Variants in ADCY2 observed in about 807,000 individuals in gnomAD.
ADCY2 encodes the protein adenylate cyclase 2, also known as adenylate cyclase type 2.
ADCY2 carries 31 observed loss-of-function variants against 125.2 expected under a neutral mutation model. The observed-to-expected ratio is 0.25, with a 90% CI of 0.19 to 0.33. ADCY2 has a LOEUF of 0.33. Among genes scored for constraint, ADCY2 ranks in the 10% least tolerant of loss-of-function variants. ADCY2 has a pLI of 1.00. For missense variants in ADCY2, 904 were observed against 1,418.2 expected (o/e 0.64, Z 5.82); for synonymous variants, 512 against 548.4 (o/e 0.93, Z 0.93).
chr5:7,644,437 C>A (rs1223653275), intron 4 of ADCY2, among the ~76,000 whole-genome samples: 1 of 152,122 alleles, frequency 6.6e-6, no homozygotes, highest in Non-Finnish European at 1.5e-5. Flanking sequence ...ACCAAACACA[C>A]ACATTCTCTA....
chr5:7,545,396 C>A (rs1404342634), intron 3 of ADCY2, among the ~76,000 whole-genome samples: 6 of 152,196 alleles, frequency 3.9e-5, no homozygotes, highest in African/African-American at 1.4e-4. Flanking sequence ...CTGTTTCCTA[C>A]TGGTGAGTGT....
Position 7,790,711 on chromosome 5 carries a change from A to G in ADCY2, c.2628+911A>G, listed in dbSNP as rs553516492. 5.3e-5 allele frequency among the ~76,000 whole-genome samples: 8 copies of G among 152,320 alleles called. No homozygotes were observed. The South Asian group carries it at 1.5e-3, about 28-fold the overall frequency. ...CCCAGGAAAAAGAAACACAAGTTAC[A>G]CTAGGATTCCTGGCCTGTGCTTTTC... On this transcript the variant is annotated intron_variant, in intron 20 of 24. Coordinates refer to ENST00000338316, the MANE Select transcript of ADCY2 (RefSeq NM_020546.3).
At chr5:7,617,658 A>G (rs1946467) in intron 3 of ADCY2, among the ~76,000 whole-genome samples, 95,459 of 152,010 alleles carry the variant, frequency 0.63, 30,582 homozygotes, top group Non-Finnish European at 0.67. Flanking sequence ...TTCTCTGACA[A>G]AAATTTACAA....
At chr5:7,584,832 C>T (rs1375541728) in intron 3 of ADCY2, among the ~76,000 whole-genome samples, 4 of 152,046 alleles carry the variant, frequency 2.6e-5, no homozygotes, top group South Asian at 2.1e-4. Context: ...CTTTTGTGGA[C>T]GCAAATTTGC....
intron 3 of ADCY2, among the ~76,000 whole-genome samples, chr5:7,567,738 T>A (rs1418568954): frequency 6.6e-6 from 1 of 152,194 alleles, no homozygotes; most frequent in Non-Finnish European, 1.5e-5. Flanking sequence ...TGTATAGAAG[T>A]ACATAACATT....
intron 3 of ADCY2, among the ~76,000 whole-genome samples, chr5:7,554,541 A>G (rs146510702): frequency 1.1e-4 from 16 of 152,292 alleles, no homozygotes; most frequent in African/African-American, 3.6e-4. Context: ...TTTTAAAAAA[A>G]TATATGTACT....
chr5:7,553,902 A>G (rs1735425167), intron 3 of ADCY2, among the ~76,000 whole-genome samples: 1 of 152,136 alleles, frequency 6.6e-6, no homozygotes, highest in Non-Finnish European at 1.5e-5. Context: ...CCTTCTCAAT[A>G]TGGAAAGGAA....
At chr5:7,721,870 G>T (rs1579355859) in intron 12 of ADCY2, among the ~76,000 whole-genome samples, 1 of 152,216 alleles carries the variant, frequency 6.6e-6, no homozygotes, top group East Asian at 1.9e-4. Flanking sequence ...TTCTATACGG[G>T]AAAATCTTCA....
intron 1 of ADCY2, among the ~76,000 whole-genome samples, chr5:7,410,995 A>G (rs1223954117): frequency 2.0e-5 from 3 of 152,064 alleles, no homozygotes; most frequent in Non-Finnish European, 2.9e-5. Flanking sequence ...TATTCCATTG[A>G]CTTAGCCTTA....
At position 7,519,326 on chromosome 5, in the gene ADCY2, G is replaced by A. The variant is rs563412626; in HGVS notation, c.409-1412G>A. Reference sequence around the variant, plus strand: ...TCTCAGGAGCTCACATCCATACTTGGTACCAGAAGCGCTGGCGTGATTGCA... The same window carrying A: ...TCTCAGGAGCTCACATCCATACTTGATACCAGAAGCGCTGGCGTGATTGCA... On this transcript the variant is annotated intron_variant, in intron 2 of 24. Coordinates refer to ENST00000338316, the MANE Select transcript of ADCY2 (RefSeq NM_020546.3). Among the ~76,000 whole-genome samples the A allele has an allele frequency of 1.5e-4, 23 of 152,286 alleles. No homozygotes were observed. In the South Asian group the frequency reaches 4.3e-3, roughly 29 times the overall value.
intron 15 of ADCY2, among the ~76,000 whole-genome samples, chr5:7,749,359 A>C (rs2126444092): frequency 6.6e-6 from 1 of 152,294 alleles, no homozygotes; most frequent in East Asian, 1.9e-4. Flanking sequence ...ACTTTACAAA[A>C]TGTTTTATAC....
chr5:7,765,732 A>G (rs1251504105), intron 16 of ADCY2, among the ~76,000 whole-genome samples: 2 of 152,208 alleles, frequency 1.3e-5, no homozygotes, highest in African/African-American at 2.4e-5. Flanking sequence ...TTGAATATGT[A>G]TGGTTAACCC....
At chr5:7,397,635 A>G (rs1739111143) in intron 1 of ADCY2, among the ~76,000 whole-genome samples, 1 of 152,136 alleles carries the variant, frequency 6.6e-6, no homozygotes, top group South Asian at 2.1e-4. Flanking sequence ...CAATTTGTTT[A>G]GGATGTCCGG....
rs532406154 is a variant in ADCY2 at position 7,748,555 on chromosome 5, CACACACACAA to C, written c.1956+4805_1956+4814del. 6.1e-3 allele frequency among the ~76,000 whole-genome samples: 932 copies of C among 151,978 alleles called. 4 individuals are homozygous for C. The highest frequency in any genetic ancestry group is 9.5e-3 in the Non-Finnish European group (648 of 67,928). ...ACACACACACACACACACACACACA[CACACACACAA>C]AATGCTGAAGAAGCTGTAATCAGGC... On this transcript the variant is annotated intron_variant, in intron 15 of 24. Transcript: ENST00000338316.
intron 16 of ADCY2, among the ~76,000 whole-genome samples, chr5:7,761,787 G>A (rs1227324775): frequency 1.3e-5 from 2 of 152,204 alleles, no homozygotes; most frequent in East Asian, 1.9e-4. Context: ...TTGACAGACA[G>A]TTCAGTCACT....
chr5:7,701,086 T>C (rs1216073676), intron 7 of ADCY2, among the ~76,000 whole-genome samples: 3 of 152,098 alleles, frequency 2.0e-5, no homozygotes. Context: ...AACTATTGGA[T>C]TGAAAAAAAT....
At chr5:7,737,360 A>G (rs1742280160) in intron 14 of ADCY2, among the ~76,000 whole-genome samples, 2 of 152,320 alleles carry the variant, frequency 1.3e-5, no homozygotes, top group African/African-American at 4.8e-5. Flanking sequence ...TTTCTTGCAG[A>G]TGCTAGAACC....
chr5:7,596,072 T>C (rs1460648896), intron 3 of ADCY2, among the ~76,000 whole-genome samples: 3 of 152,138 alleles, frequency 2.0e-5, no homozygotes, highest in African/African-American at 4.8e-5. Flanking sequence ...TATAGGATTA[T>C]ATTAAATATA....
At chr5:7,575,361 C>T (rs993528709) in intron 3 of ADCY2, among the ~76,000 whole-genome samples, 1 of 151,676 alleles carries the variant, frequency 6.6e-6, no homozygotes, top group East Asian at 1.9e-4. Flanking sequence ...TTTTAAAAAC[C>T]TCAATTTTAA....
Sources: gnomAD v4.1 joint callset for allele counts (sites outside exome capture counted in the v4.1 genomes callset) on GRCh38, gnomAD v4.1.1 for gene constraint, MANE v1.5 for transcripts, NCBI Gene and HGNC (gene_info 2026-07-23, HGNC 2026-07-21) for gene names.